DGKB: variants seen among roughly 807,000 people sequenced by gnomAD.
The protein encoded by DGKB is 90 kDa diacylglycerol kinase.
A neutral mutation model predicts 114.3 loss-of-function variants in DGKB; 67 were observed. The observed-to-expected ratio is 0.59, with a 90% CI of 0.48 to 0.72. The LOEUF (loss-of-function observed/expected upper bound fraction) is 0.72, where lower values mean the gene tolerates loss of function less well. DGKB is among the 30% of genes least tolerant of loss of function. The pLI is 0.00. For missense variants in DGKB, 907 were observed against 975.2 expected (o/e 0.93, Z 0.93); for synonymous variants, 398 against 323.1 (o/e 1.23, Z -2.49).
intron 1 of DGKB, among the ~76,000 whole-genome samples, chr7:14,933,201 T>C (rs1390615290): frequency 6.6e-6 from 1 of 152,220 alleles, no homozygotes; most frequent in African/African-American, 2.4e-5. Context: ...GTTAATCTAC[T>C]ACTAAAACAT....
At chr7:14,180,285 CAG>C (rs1399251531) in intron 23 of DGKB, among the ~76,000 whole-genome samples, 3 of 152,180 alleles carry the variant, frequency 2.0e-5, no homozygotes, top group African/African-American at 7.2e-5. Flanking sequence ...TTTCTCAAGA[CAG>C]AGTTAATCTG....
chr7:14,639,372 T>A (rs1563754633), intron 13 of DGKB, among the ~76,000 whole-genome samples: 1 of 152,212 alleles, frequency 6.6e-6, no homozygotes, highest in Non-Finnish European at 1.5e-5. Context: ...TGTCAAACAC[T>A]GTAGAGCATT....
rs545869948 is a variant in DGKB, at chr7:14,376,333, A to G, written c.1836-30942T>C. Among the ~76,000 whole-genome samples, 3 of 152,310 alleles carry G rather than the reference A, an allele frequency of 2.0e-5. No individual in the cohort carries two copies. The East Asian group carries it at 5.8e-4, about 29-fold the overall frequency. Reference sequence around the variant, plus strand: ...TTTTATATTTCTGAAAATTCGCCTTAATTTATATAAGTAACCTAAATCCAT... The same window carrying G: ...TTTTATATTTCTGAAAATTCGCCTTGATTTATATAAGTAACCTAAATCCAT... On this transcript the variant is annotated intron_variant, in intron 21 of 25. Transcript: ENST00000402815.
intron 23 of DGKB, among the ~76,000 whole-genome samples, chr7:14,304,226 G>A (rs1045274729): frequency 6.6e-6 from 1 of 151,856 alleles, no homozygotes; most frequent in African/African-American, 2.4e-5. Context: ...CCTTTCAGAT[G>A]GATTATCTTT....
intron 12 of DGKB, among the ~76,000 whole-genome samples, chr7:14,680,947 A>G (rs1184545911): frequency 3.3e-5 from 5 of 151,992 alleles, no homozygotes; most frequent in African/African-American, 7.2e-5. Context: ...AAGAATAGGT[A>G]AACAATTGGA....
At chr7:14,304,158 C>T (rs1407186143) in intron 23 of DGKB, among the ~76,000 whole-genome samples, 1 of 150,992 alleles carries the variant, frequency 6.6e-6, no homozygotes, top group Non-Finnish European at 1.5e-5. Context: ...ACAAATCAAC[C>T]TGTAATTCTT....
At chr7:14,502,771 A>T (rs1446294237) in intron 20 of DGKB, among the ~76,000 whole-genome samples, 1 of 152,086 alleles carries the variant, frequency 6.6e-6, no homozygotes, top group Non-Finnish European at 1.5e-5. Flanking sequence ...TTCTCTTCAC[A>T]GAGCACCCCA....
At chr7:14,500,280 T>C (rs1785949188) in intron 20 of DGKB, among the ~76,000 whole-genome samples, 1 of 151,804 alleles carries the variant, frequency 6.6e-6, no homozygotes, top group African/African-American at 2.4e-5. Flanking sequence ...CTTCACCTTT[T>C]TGATAAAAGA....
At chr7:14,778,393 G>A (rs1196966532) in intron 2 of DGKB, among the ~76,000 whole-genome samples, 1 of 151,552 alleles carries the variant, frequency 6.6e-6, no homozygotes, top group African/African-American at 2.4e-5. Flanking sequence ...AAACTAACTT[G>A]CAAAACAGTC....
At position 14,687,072 on chromosome 7, in the gene DGKB, C is replaced by T. The variant is rs1453985415; in HGVS notation, c.712-1710G>A. 2.0e-5 allele frequency among the ~76,000 whole-genome samples: 3 copies of T among 152,030 alleles called. No individual in the cohort carries two copies. In the East Asian group the frequency reaches 5.8e-4, roughly 29 times the overall value. ...TTTAGTTTTCTTAAGTCAGGGTTTC[C>T]AAAACGTGATGCTGTGCACAATCAT... On this transcript the variant is annotated intron_variant, in intron 9 of 25. Transcript: ENST00000402815.
At chr7:14,914,507 T>A (rs935419671) in intron 1 of DGKB, among the ~76,000 whole-genome samples, 2 of 152,092 alleles carry the variant, frequency 1.3e-5, no homozygotes, top group African/African-American at 4.8e-5. Context: ...AAATATTAAG[T>A]ACAACCCTCA....
chr7:14,682,633 T>G lies in DGKB; in HGVS notation c.955A>C (p.Thr319Pro). The change falls in exon 12 of 26, where the codon ACC (threonine) becomes CCC (proline). Residue 319 changes from threonine (T) to proline (P), a missense_variant. Coordinates refer to ENST00000402815, the MANE Select transcript of DGKB (RefSeq NM_001350709.2). Reference protein sequence around the residue: ...HHYWVEGNCPTKCDKCHKTVK... With the variant: ...HHYWVEGNCPPKCDKCHKTVK... ...GTTTTGTGGCACTTATCACACTTGG[T>G]TGGGCAGTTACCTTCAACCCAGTAA... The G allele has an allele frequency of 6.2e-7, 1 of 1,613,610 alleles. No homozygotes were observed.
intron 23 of DGKB, among the ~76,000 whole-genome samples, chr7:14,243,454 G>T (rs1793976033): frequency 6.6e-6 from 1 of 152,156 alleles, no homozygotes; most frequent in African/African-American, 2.4e-5. Flanking sequence ...TAACATATTA[G>T]ATTTTGATAA....
intron 1 of DGKB, among the ~76,000 whole-genome samples, chr7:14,851,058 T>A (rs1358264835): frequency 1.3e-5 from 2 of 152,180 alleles, no homozygotes; most frequent in East Asian, 3.8e-4. Flanking sequence ...TAATGGTTAT[T>A]TTCTCTTTGC....
intron 23 of DGKB, among the ~76,000 whole-genome samples, chr7:14,206,980 G>A (rs1435964730): frequency 1.3e-5 from 2 of 152,016 alleles, no homozygotes; most frequent in Admixed American, 6.6e-5. Context: ...GGGTAAAAAT[G>A]TATGAGATGG....
At chr7:14,631,770 A>G (rs923592983) in intron 13 of DGKB, among the ~76,000 whole-genome samples, 1 of 152,032 alleles carries the variant, frequency 6.6e-6, no homozygotes, top group South Asian at 2.1e-4. Flanking sequence ...ATTCTTTCTT[A>G]GCTTCGGGTT....
chr7:14,785,560 C>A (rs1363748684), intron 2 of DGKB, among the ~76,000 whole-genome samples: 3 of 152,066 alleles, frequency 2.0e-5, no homozygotes, highest in Non-Finnish European at 4.4e-5. Context: ...GTCTGCAGAA[C>A]TGAAAGAGAC....
At chr7:14,821,153 G>C (rs940504482) in intron 2 of DGKB, among the ~76,000 whole-genome samples, 1 of 152,060 alleles carries the variant, frequency 6.6e-6, no homozygotes, top group African/African-American at 2.4e-5. Flanking sequence ...GTTTATTTTT[G>C]TATCGAAGCA....
chr7:14,499,754 T>C (rs1785849273), intron 20 of DGKB, among the ~76,000 whole-genome samples: 1 of 151,872 alleles, frequency 6.6e-6, no homozygotes, highest in African/African-American at 2.4e-5. Context: ...TATCAAGTAG[T>C]GGAGAAATCA....
Sources: gnomAD v4.1 joint callset for allele counts (sites outside exome capture counted in the v4.1 genomes callset) on GRCh38, gnomAD v4.1.1 for gene constraint, MANE v1.5 for transcripts, NCBI Gene and HGNC (gene_info 2026-07-23, HGNC 2026-07-21) for gene names.